Variants in SH3GL3 observed in about 807,000 individuals in gnomAD.
SH3GL3 encodes SH3 domain containing GRB2 like 3, endophilin A3.
SH3GL3 carries 33 observed loss-of-function variants against 47.7 expected under a neutral mutation model. The observed-to-expected ratio is 0.69, with a 90% confidence interval of 0.52 to 0.92. The LOEUF is 0.92. Among genes scored for constraint, SH3GL3 ranks in the 40% least tolerant of loss-of-function variants. The pLI, the probability that SH3GL3 is intolerant of heterozygous loss-of-function variation, is 0.00. For missense variants in SH3GL3, 363 were observed against 417.8 expected (o/e 0.87, Z 1.14); for synonymous variants, 155 against 148.8 (o/e 1.04, Z -0.30).
At chr15:83,503,974 A>C (rs999579463) in intron 1 of SH3GL3, among the ~76,000 whole-genome samples, 1 of 152,214 alleles carries the variant, frequency 6.6e-6, no homozygotes, top group African/African-American at 2.4e-5. Flanking sequence ...ATGAAATGTT[A>C]CATTCTTATC....
intron 1 of SH3GL3, among the ~76,000 whole-genome samples, chr15:83,471,644 T>C (rs1026553777): frequency 5.3e-5 from 8 of 152,256 alleles, no homozygotes; most frequent in African/African-American, 1.9e-4. Flanking sequence ...CACAGGTCTC[T>C]GAACCTCTTC....
chr15:83,622,197 T>A (rs2060917185), downstream of SH3GL3, among the ~76,000 whole-genome samples: 1 of 152,236 alleles, frequency 6.6e-6, no homozygotes, highest in African/African-American at 2.4e-5. Flanking sequence ...GCCATAACAC[T>A]GAGTAACTTG....
At chr15:83,545,397 G>C (rs1363800108) in intron 1 of SH3GL3, among the ~76,000 whole-genome samples, 1 of 152,120 alleles carries the variant, frequency 6.6e-6, no homozygotes, top group Non-Finnish European at 1.5e-5. Flanking sequence ...AAATTTATCT[G>C]ATAGGATTCT....
chr15:83,569,310 C>A (rs1374829794), intron 4 of SH3GL3, among the ~76,000 whole-genome samples: 3 of 152,162 alleles, frequency 2.0e-5, no homozygotes, highest in Non-Finnish European at 4.4e-5. Flanking sequence ...ATATAATGAT[C>A]CATATCGTAA....
chr15:83,472,242 T>C (rs1354300717), intron 1 of SH3GL3, among the ~76,000 whole-genome samples: 1 of 152,230 alleles, frequency 6.6e-6, no homozygotes, highest in Non-Finnish European at 1.5e-5. Flanking sequence ...GTAGGCTGTC[T>C]TTTGCCAAAT....
chr15:83,557,242 G>C (rs577834637), intron 1 of SH3GL3, among the ~76,000 whole-genome samples: 1 of 152,198 alleles, frequency 6.6e-6, no homozygotes, highest in African/African-American at 2.4e-5. Flanking sequence ...TACCTCCAAA[G>C]TTGAGAACCA....
At chr15:83,620,065 C>CA (rs1280359598), downstream of SH3GL3, among the ~76,000 whole-genome samples, 67 of 152,218 alleles carry the variant, frequency 4.4e-4, no homozygotes, top group Admixed American at 6.5e-5. Context: ...CTGTAAGAAG[C>CA]AATTCCTCAT....
intron 1 of SH3GL3, among the ~76,000 whole-genome samples, chr15:83,557,864 T>G (rs1027909671): frequency 1.2e-4 from 18 of 152,238 alleles, no homozygotes; most frequent in African/African-American, 4.1e-4. Context: ...TCGGAGGAAC[T>G]GTAAAGACGC....
chr15:83,489,440 T>C (rs534147386), intron 1 of SH3GL3: 1 of 152,332 alleles, frequency 6.6e-6, no homozygotes, highest in African/African-American at 2.4e-5. Context: ...TACTGCTTCC[T>C]TTGATGGGGG....
intron 1 of SH3GL3, among the ~76,000 whole-genome samples, chr15:83,555,812 AG>A (rs2044925294): frequency 6.6e-6 from 1 of 152,212 alleles, no homozygotes; most frequent in Admixed American, 6.5e-5. Context: ...TGGCTGTCAT[AG>A]CCTGTGTGCA....
intron 8 of SH3GL3, among the ~76,000 whole-genome samples, chr15:83,603,643 C>T (rs1003085706): frequency 4.6e-5 from 7 of 152,150 alleles, no homozygotes; most frequent in African/African-American, 1.4e-4. Context: ...CCAACCTCTG[C>T]TCTTTCTTTT....
intron 8 of SH3GL3, among the ~76,000 whole-genome samples, chr15:83,598,231 C>G (rs1567025512): frequency 6.6e-6 from 1 of 152,150 alleles, no homozygotes; most frequent in Admixed American, 6.5e-5. Context: ...GGCACTGGTA[C>G]AAACCCAGGA....
chr15:83,480,664 C>T (rs938124741), intron 1 of SH3GL3, among the ~76,000 whole-genome samples: 1 of 152,242 alleles, frequency 6.6e-6, no homozygotes, highest in African/African-American at 2.4e-5. Flanking sequence ...AACACCAAAA[C>T]ATCTGGATTG....
In SH3GL3 at chr15:83,487,878, C is replaced by CT. The variant is rs58188472; in HGVS notation, c.45+40313dup. Among the ~76,000 whole-genome samples the CT allele has an allele frequency of 7.7e-3, 1,058 of 137,538 alleles. 12 individuals are homozygous for CT. The highest frequency in any genetic ancestry group is 0.023 in the African/African-American group (858 of 37,596). 90.2% of individuals were successfully genotyped at this position (137,538 alleles called of 152,430 possible). A position where few individuals can be genotyped will look rare whatever the true frequency, so the allele number is the denominator to read the frequency against. On this transcript the variant is annotated intron_variant, in intron 1 of 8. Coordinates refer to ENST00000427482, the MANE Select transcript of SH3GL3 (RefSeq NM_003027.5). Reference sequence around the variant, plus strand: ...TTTAATTTTCTTTTCTTTTTCTTTTCTTTTTTTTTTTTTCCTGAGACGGAG... The same window carrying CT: ...TTTAATTTTCTTTTCTTTTTCTTTTCTTTTTTTTTTTTTTCCTGAGACGGAG...
chr15:83,576,317 C>T (rs11854487), intron 5 of SH3GL3, among the ~76,000 whole-genome samples: 13,110 of 152,200 alleles, frequency 0.086, 799 homozygotes, highest in Admixed American at 0.18. Context: ...AGCATGGCTA[C>T]TGCATCATTA....
intron 1 of SH3GL3, among the ~76,000 whole-genome samples, chr15:83,462,187 C>T (rs1412147612): frequency 2.0e-5 from 3 of 152,194 alleles, no homozygotes; most frequent in Admixed American, 6.5e-5. Flanking sequence ...TTCACCAAAC[C>T]GCCTGATGCC....
At chr15:83,533,838 C>T (rs1567310678) in intron 1 of SH3GL3, among the ~76,000 whole-genome samples, 1 of 152,174 alleles carries the variant, frequency 6.6e-6, no homozygotes, top group Non-Finnish European at 1.5e-5. Flanking sequence ...GACTTATTCG[C>T]AGGTGTCCCA....
At chr15:83,597,340 C>T (rs2060260561) in intron 8 of SH3GL3, among the ~76,000 whole-genome samples, 1 of 152,124 alleles carries the variant, frequency 6.6e-6, no homozygotes, top group Non-Finnish European at 1.5e-5. Context: ...TGAGCCTACC[C>T]ACATAAACCC....
At chr15:83,573,486 G>C (rs945014966) in intron 5 of SH3GL3, among the ~76,000 whole-genome samples, 2 of 152,202 alleles carry the variant, frequency 1.3e-5, no homozygotes, top group Admixed American at 1.3e-4. Flanking sequence ...AAATCTTATG[G>C]GTGAAGCCCA....
Sources: gnomAD v4.1 joint callset for allele counts (sites outside exome capture counted in the v4.1 genomes callset) on GRCh38, gnomAD v4.1.1 for gene constraint, MANE v1.5 for transcripts, NCBI Gene and HGNC (gene_info 2026-07-23, HGNC 2026-07-21) for gene names.